CIRSR: variants seen among roughly 807,000 people sequenced by gnomAD.
CIRSR encodes CBF1 (RBPJ) interacting corepressor 1.
chr2:174,378,915 G>A, the CIRSR span: 1 of 1,574,938 alleles, frequency 6.3e-7, no homozygotes, highest in Non-Finnish European at 8.7e-7. Context: ...ATCATGTCTA[G>A]TGCCTACCTG....
chr2:174,354,568 A>T, the CIRSR span, among the ~76,000 whole-genome samples: 11 of 17,506 alleles, frequency 6.3e-4, no homozygotes, highest in African/African-American at 1.2e-3. Context: ...TATTTTATAT[A>T]TTATATTATA....
chr2:174,393,479 C>T, the CIRSR span, among the ~76,000 whole-genome samples: 2 of 152,042 alleles, frequency 1.3e-5, no homozygotes, highest in Non-Finnish European at 2.9e-5. Flanking sequence ...CTTTAATAAA[C>T]CCAACATGCC....
chr2:174,373,955 T>A, the CIRSR span, among the ~76,000 whole-genome samples: 15 of 152,184 alleles, frequency 9.9e-5, no homozygotes, highest in Non-Finnish European at 1.6e-4. Flanking sequence ...TTTCAGATCG[T>A]GAACGTCATC....
the CIRSR span, among the ~76,000 whole-genome samples, chr2:174,392,226 A>G: frequency 6.6e-6 from 1 of 152,028 alleles, no homozygotes; most frequent in African/African-American, 2.4e-5. Flanking sequence ...TGAATTCCTG[A>G]CCTCGGGTGA....
At chr2:174,382,020 T>C in the CIRSR span, among the ~76,000 whole-genome samples, 1 of 152,132 alleles carries the variant, frequency 6.6e-6, no homozygotes, top group Non-Finnish European at 1.5e-5. Context: ...CTACCCATCC[T>C]AACAAAAAAG....
the CIRSR span, among the ~76,000 whole-genome samples, chr2:174,361,293 A>C: frequency 6.6e-6 from 1 of 152,360 alleles, no homozygotes; most frequent in East Asian, 1.9e-4. Flanking sequence ...CAGGGCTATG[A>C]GTAGCTATCC....
At chr2:174,394,677 G>C in the CIRSR span, among the ~76,000 whole-genome samples, 1 of 152,142 alleles carries the variant, frequency 6.6e-6, no homozygotes. Flanking sequence ...AAAAAAAGTT[G>C]AGAATCACTG....
the CIRSR span, chr2:174,349,161 C>A: frequency 6.9e-7 from 1 of 1,444,692 alleles, no homozygotes; most frequent in Non-Finnish European, 9.1e-7. Context: ...CTTCTCCAGT[C>A]GATCTAATTT....
chr2:174,395,477 T>A, the CIRSR span: 6 of 1,402,972 alleles, frequency 4.3e-6, no homozygotes, highest in East Asian at 6.8e-5. Context: ...AGAGACACCA[T>A]CACTTTCACT....
the CIRSR span, among the ~76,000 whole-genome samples, chr2:174,391,981 G>C: frequency 1.3e-5 from 2 of 152,084 alleles, no homozygotes; most frequent in Admixed American, 6.5e-5. Context: ...AAGGAAAAAT[G>C]GGAGTGACTA....
the CIRSR span, among the ~76,000 whole-genome samples, chr2:174,388,753 G>A: frequency 6.6e-6 from 1 of 151,986 alleles, no homozygotes; most frequent in Non-Finnish European, 1.5e-5. Context: ...GATCTGATAT[G>A]GTTTGGCTGT....
the CIRSR span, among the ~76,000 whole-genome samples, chr2:174,367,117 C>T: frequency 6.6e-6 from 1 of 152,262 alleles, no homozygotes; most frequent in Non-Finnish European, 1.5e-5. Flanking sequence ...CTATTTCAAT[C>T]ATTGCTTTTG....
the CIRSR span, among the ~76,000 whole-genome samples, chr2:174,359,130 T>C: frequency 2.0e-5 from 3 of 152,076 alleles, no homozygotes; most frequent in African/African-American, 7.3e-5. Context: ...ATTTCACTTA[T>C]AAGAAGCTCA....
chr2:174,379,070 C>T, the CIRSR span: 1 of 1,480,828 alleles, frequency 6.8e-7, no homozygotes, highest in East Asian at 2.3e-5. Flanking sequence ...ATTTTGGTTA[C>T]TAAAAAAGTA....
chr2:174,369,519 T>C, the CIRSR span, among the ~76,000 whole-genome samples: 1 of 152,224 alleles, frequency 6.6e-6, no homozygotes, highest in African/African-American at 2.4e-5. Context: ...AGCTAATTGG[T>C]GTAGGAGGCC....
At chr2:174,349,102 T>C in the CIRSR span, 1 of 1,519,984 alleles carries the variant, frequency 6.6e-7, no homozygotes, top group Non-Finnish European at 8.8e-7. Context: ...TTGTGTTTAC[T>C]TCTGCTCTTC....
At chr2:174,381,914 T>C in the CIRSR span, 1 of 592,282 alleles carries the variant, frequency 1.7e-6, no homozygotes, top group South Asian at 2.6e-5. Context: ...AAAACTTTAC[T>C]CCACTAACTA....
the CIRSR span, chr2:174,350,558 G>A: frequency 1.7e-6 from 1 of 593,856 alleles, no homozygotes. Flanking sequence ...TGTGATGCAT[G>A]GTATAAGGAC....
chr2:174,361,081 G>A, the CIRSR span, among the ~76,000 whole-genome samples: 1 of 147,380 alleles, frequency 6.8e-6, no homozygotes, highest in Non-Finnish European at 1.5e-5. Context: ...AATCAACTAC[G>A]ATCAACTACG....
Sources: gnomAD v4.1 joint callset for allele counts (sites outside exome capture counted in the v4.1 genomes callset) on GRCh38, gnomAD v4.1.1 for gene constraint, MANE v1.5 for transcripts, NCBI Gene and HGNC (gene_info 2026-07-23, HGNC 2026-07-21) for gene names.